ARHGEF10: variants seen among roughly 807,000 people sequenced by gnomAD.
The protein encoded by ARHGEF10 is Rho guanine nucleotide exchange factor 10.
In ARHGEF10, 140 loss-of-function variants were observed where a neutral mutation model predicts 147.4. The observed-to-expected ratio is 0.95, with a 90% confidence interval of 0.83 to 1.09. The LOEUF is 1.09. Among genes scored for constraint, ARHGEF10 ranks in the 50% least tolerant of loss-of-function variants. The pLI is 0.00. For synonymous variants in ARHGEF10, 902 were observed against 695.8 expected (o/e 1.30, Z -4.67); for missense variants, 2,222 against 1,752.7 (o/e 1.27, Z -4.78).
Position 1,945,510 on chromosome 8 carries a change from C to G in ARHGEF10, c.3252C>G (p.Gly1084=). Residue 1084 remains glycine, a synonymous_variant, in exon 27 of 29, where the codon GGC becomes GGG. Coordinates refer to ENST00000349830, the MANE Select transcript of ARHGEF10 (RefSeq NM_014629.4). ...EGQLEAHQEE[G]MVISHMAVSG... ...AGCTGGAGGCCCACCAGGAGGAAGG[C>G]ATGGTGATCTCCCACATGGCCGTGT... The G allele has an allele frequency of 1.9e-6, 3 of 1,611,504 alleles. No homozygotes were observed. The highest frequency in any genetic ancestry group is 2.5e-6 in the Non-Finnish European group (3 of 1,178,806).
chr8:1,876,900 T>C (rs1392586346), intron 8 of ARHGEF10, among the ~76,000 whole-genome samples, 166 bp downstream of exon 8: 1 of 152,242 alleles, frequency 6.6e-6, no homozygotes, highest in Non-Finnish European at 1.5e-5. Flanking sequence ...ACGTGTCTTG[T>C]TTCATATAGT....
Position 1,917,076 on chromosome 8 carries a change from T to C in ARHGEF10, c.2144-5888T>C, listed in dbSNP as rs143356686. On this transcript the variant is annotated intron_variant, in intron 18 of 28. Transcript: ENST00000349830. ...GAGTTTATTGCATACTGCAAGCTTCTTCAGTTACTAGACCACTACGAACAG... is the reference window on the plus strand; with the variant it reads ...GAGTTTATTGCATACTGCAAGCTTCCTCAGTTACTAGACCACTACGAACAG... Among the ~76,000 whole-genome samples, 571 of 152,392 alleles carry C rather than the reference T, an allele frequency of 3.7e-3. 7 individuals carry two copies. The highest frequency in any genetic ancestry group is 6.8e-3 in the Middle Eastern group (2 of 294).
At chr8:1,909,709 C>T (rs1403318156) in intron 18 of ARHGEF10, among the ~76,000 whole-genome samples, 1 of 152,216 alleles carries the variant, frequency 6.6e-6, no homozygotes, top group African/African-American at 2.4e-5. Flanking sequence ...GGGCCGTGCA[C>T]CTGGCCAGTC....
intron 1 of ARHGEF10, chr8:1,826,272 A>G: frequency 1.2e-6 from 1 of 802,652 alleles, no homozygotes; most frequent in Non-Finnish European, 2.0e-6. Context: ...AGATGTAACC[A>G]CATTTGTCTT....
At chr8:1,854,917 C>T (rs535305933) in intron 2 of ARHGEF10, among the ~76,000 whole-genome samples, 7 of 152,186 alleles carry the variant, frequency 4.6e-5, no homozygotes, top group East Asian at 1.9e-4. Flanking sequence ...ACCTGGCACA[C>T]GGGACATGCA....
chr8:1,869,101 C>A, intron 6 of ARHGEF10, 93 bp from the exon 7 acceptor site: 3 of 1,169,236 alleles, frequency 2.6e-6, no homozygotes, highest in Non-Finnish European at 3.9e-6. Context: ...TTTGAATAAT[C>A]ATGACATCAT....
intron 1 of ARHGEF10, among the ~76,000 whole-genome samples, chr8:1,836,841 C>T (rs1296981120): frequency 6.6e-6 from 1 of 152,196 alleles, no homozygotes; most frequent in Non-Finnish European, 1.5e-5. Flanking sequence ...CCGTGATATT[C>T]TCCTGATAGT....
intron 26 of ARHGEF10, among the ~76,000 whole-genome samples, chr8:1,944,476 C>T (rs1232409700): frequency 3.3e-5 from 5 of 152,192 alleles, no homozygotes; most frequent in East Asian, 3.9e-4. Flanking sequence ...GGGCTCTGGG[C>T]GCGGCGTAGT....
chr8:1,913,299 CGT>C (rs34385451), intron 18 of ARHGEF10, among the ~76,000 whole-genome samples: 44,508 of 151,326 alleles, frequency 0.29, 6,941 homozygotes, highest in African/African-American at 0.39. Context: ...AGAAGTTCTT[CGT>C]GTGTGTGTGT....
intron 26 of ARHGEF10, among the ~76,000 whole-genome samples, chr8:1,941,783 C>T (rs186029141): frequency 4.4e-4 from 67 of 152,250 alleles, no homozygotes; most frequent in East Asian, 2.7e-3. Flanking sequence ...TGACATAGAC[C>T]GGAGACCACG....
intron 15 of ARHGEF10, among the ~76,000 whole-genome samples, chr8:1,901,137 C>G (rs1282541156): frequency 2.0e-5 from 3 of 152,108 alleles, no homozygotes; most frequent in African/African-American, 7.2e-5. Flanking sequence ...GGCCCTACCT[C>G]AGGTGTGGGT....
At chr8:1,886,314 C>T (rs1041075481) in intron 11 of ARHGEF10, among the ~76,000 whole-genome samples, 1 of 152,180 alleles carries the variant, frequency 6.6e-6, no homozygotes, top group African/African-American at 2.4e-5. Flanking sequence ...AGTTGTTTCC[C>T]ACATGGGCAG....
chr8:1,920,495 T>G (rs1331654941), intron 18 of ARHGEF10, among the ~76,000 whole-genome samples: 2 of 79,452 alleles, frequency 2.5e-5, no homozygotes, highest in Non-Finnish European at 5.3e-5. Flanking sequence ...GCTAATTTTT[T>G]TTTTAAACTC....
At chr8:1,903,006 A>G (rs970770705) in intron 15 of ARHGEF10, among the ~76,000 whole-genome samples, 3 of 152,308 alleles carry the variant, frequency 2.0e-5, no homozygotes, top group East Asian at 1.9e-4. Context: ...CCAAGTGCAC[A>G]GTATTTCTGA....
chr8:1,902,715 C>T (rs767701706), intron 15 of ARHGEF10, among the ~76,000 whole-genome samples: 2 of 152,136 alleles, frequency 1.3e-5, no homozygotes, highest in Non-Finnish European at 2.9e-5. Flanking sequence ...TTGTGCTGTG[C>T]ATTCGGTGGG....
At chr8:1,865,773 G>A (rs13266489) in intron 5 of ARHGEF10, among the ~76,000 whole-genome samples, 79,765 of 152,052 alleles carry the variant, frequency 0.52, 21,029 homozygotes, top group East Asian at 0.69. Flanking sequence ...TTCCATACAC[G>A]TCTCTGGGTG....
At chr8:1,900,512 C>T (rs1174766107) in intron 15 of ARHGEF10, among the ~76,000 whole-genome samples, 2 of 152,148 alleles carry the variant, frequency 1.3e-5, no homozygotes, top group Non-Finnish European at 2.9e-5. Flanking sequence ...GTCCACACCC[C>T]AAAAGGATGC....
At chr8:1,861,993 C>G (rs1270738431) in intron 4 of ARHGEF10, among the ~76,000 whole-genome samples, 1 of 152,160 alleles carries the variant, frequency 6.6e-6, no homozygotes, top group Non-Finnish European at 1.5e-5. Flanking sequence ...TTCTGTCAAC[C>G]TAGAGCCAGT....
chr8:1,874,564 C>G (rs1807481890), intron 7 of ARHGEF10, among the ~76,000 whole-genome samples: 1 of 152,208 alleles, frequency 6.6e-6, no homozygotes, highest in Non-Finnish European at 1.5e-5. Context: ...ATGGAGTTTC[C>G]TTATAACCTC....
Sources: gnomAD v4.1 joint callset for allele counts (sites outside exome capture counted in the v4.1 genomes callset) on GRCh38, gnomAD v4.1.1 for gene constraint, MANE v1.5 for transcripts, NCBI Gene and HGNC (gene_info 2026-07-23, HGNC 2026-07-21) for gene names.